The following KAZN variants were observed in gnomAD, a reference collection of about 807,000 sequenced individuals.
KAZN encodes the protein kazrin.
KAZN carries 40 observed loss-of-function variants against 87.4 expected under a neutral mutation model. The observed-to-expected ratio is 0.46, with a 90% CI of 0.36 to 0.60. The LOEUF is 0.60. Among genes scored for constraint, KAZN ranks in the 20% least tolerant of loss-of-function variants. The probability of loss-of-function intolerance (pLI) is 0.00; values close to 1 mark genes in which losing one functional copy is unlikely to be tolerated. For synonymous variants in KAZN, 466 were observed against 458.3 expected, an observed-to-expected ratio of 1.02 and a Z score of -0.22; for missense variants, 898 against 1,073.9, an observed-to-expected ratio of 0.84 and a Z score of 2.29.
intron 2 of KAZN, among the ~76,000 whole-genome samples, chr1:14,429,641 A>G (rs779377365): frequency 5.9e-5 from 9 of 152,134 alleles, no homozygotes; most frequent in South Asian, 2.1e-4. Context: ...CAGTGCAACC[A>G]TGGAAACAAA....
chr1:14,777,996 G>A (rs930447013), intron 1 of KAZN, among the ~76,000 whole-genome samples: 1 of 152,082 alleles, frequency 6.6e-6, no homozygotes, highest in Non-Finnish European at 1.5e-5. Flanking sequence ...GGTTTTGGTG[G>A]GTTTTGGCCA....
intron 1 of KAZN, among the ~76,000 whole-genome samples, chr1:14,156,600 C>G (rs764856113): frequency 6.6e-6 from 1 of 152,108 alleles, no homozygotes; most frequent in Non-Finnish European, 1.5e-5. Flanking sequence ...CATTCTTTGT[C>G]TCTTCTTATA....
chr1:14,931,419 A>G (rs1191271029), intron 1 of KAZN, among the ~76,000 whole-genome samples: 1 of 152,100 alleles, frequency 6.6e-6, no homozygotes, highest in Non-Finnish European at 1.5e-5. Flanking sequence ...ACTGCACTCC[A>G]TCCTGGGCAA....
rs1664438760 is a variant in KAZN, at chr1:14,413,113, CTT to C, written c.250-185869_250-185868del. 2.7e-5 allele frequency among the ~76,000 whole-genome samples: 4 copies of C among 150,084 alleles called. No individual in the cohort carries two copies. In the South Asian group the frequency reaches 8.4e-4, roughly 31 times the overall value. On this transcript the variant is annotated intron_variant, in intron 2 of 16. Transcript: ENST00000636203. Reference sequence around the variant, plus strand: ...ATATAATATATTACATATATATGAACTTAATCTATGATAGTAGATTAGATACC... The same window carrying C: ...ATATAATATATTACATATATATGAACAATCTATGATAGTAGATTAGATACC...
chr1:14,500,497 G>A (rs1014967197), intron 2 of KAZN, among the ~76,000 whole-genome samples: 1 of 151,826 alleles, frequency 6.6e-6, no homozygotes, highest in African/African-American at 2.4e-5. Flanking sequence ...TTTAAAAGAA[G>A]CAAGATCTCA....
At chr1:14,663,763 CCT>C (rs1639337176) in intron 1 of KAZN, among the ~76,000 whole-genome samples, 1 of 152,178 alleles carries the variant, frequency 6.6e-6, no homozygotes. Context: ...GATGATGATT[CCT>C]CAAACATTTT....
intron 2 of KAZN, among the ~76,000 whole-genome samples, chr1:14,388,430 G>A (rs1399928302): frequency 6.6e-6 from 1 of 152,078 alleles, no homozygotes; most frequent in Non-Finnish European, 1.5e-5. Flanking sequence ...AAAACTGGAG[G>A]AATCACATTA....
At chr1:14,157,104 C>G (rs1436067732) in intron 1 of KAZN, among the ~76,000 whole-genome samples, 1 of 152,054 alleles carries the variant, frequency 6.6e-6, no homozygotes, top group East Asian at 1.9e-4. Context: ...AACAAACAAG[C>G]AAAAATACAG....
chr1:14,206,371 G>A (rs929651979), intron 2 of KAZN, among the ~76,000 whole-genome samples: 3 of 152,080 alleles, frequency 2.0e-5, no homozygotes, highest in Admixed American at 1.3e-4. Flanking sequence ...AATTAGAAAA[G>A]TTATTCTTCC....
rs78854074 is a variant in KAZN, at chr1:13,917,277, A to G, written c.91+23521A>G. Among the ~76,000 whole-genome samples the G allele has an allele frequency of 3.1e-3, 476 of 152,300 alleles. 4 individuals carry two copies. Among genetic ancestry groups the G allele is most frequent in the South Asian group, 0.022 (105 of 4,824 alleles). ...CCAGAATATCAAGCTAAGGTCGTTGATGAAGGTGGCTACCCTACACAATAG... is the reference window on the plus strand; with the variant it reads ...CCAGAATATCAAGCTAAGGTCGTTGGTGAAGGTGGCTACCCTACACAATAG... On this transcript the variant is annotated intron_variant, in intron 1 of 16. Transcript: ENST00000636203.
chr1:14,049,220 A>G (rs1163797640), intron 1 of KAZN, among the ~76,000 whole-genome samples: 2 of 152,148 alleles, frequency 1.3e-5, no homozygotes, highest in Non-Finnish European at 2.9e-5. Context: ...CAAGGACAAA[A>G]AAACCAAACA....
In KAZN at chr1:14,599,692, C is replaced by G. The variant is rs376989909; in HGVS notation, c.226+469C>G. Among the ~76,000 whole-genome samples, 2 of 152,222 alleles carry G rather than the reference C, an allele frequency of 1.3e-5. No homozygotes were observed. Among genetic ancestry groups the G allele is most frequent in the African/African-American group, 4.8e-5 (2 of 41,462 alleles). On this transcript the variant is annotated intron_variant, in intron 1 of 14. Coordinates refer to ENST00000376030, the MANE Select transcript of KAZN (RefSeq NM_201628.3). The surrounding 1 kb of genome is among the most constrained non-coding windows in gnomAD (Gnocchi z 4.4). ...GATTGCACTGCTGTGCACTTTTCTC[C>G]GCGGATGCCAAATCCCTTGGCTCAG... is the stretch of plus-strand genomic sequence containing the variant.
At chr1:14,135,973 C>T (rs537175666) in intron 1 of KAZN, among the ~76,000 whole-genome samples, 1 of 152,312 alleles carries the variant, frequency 6.6e-6, no homozygotes, top group East Asian at 1.9e-4. Context: ...CCACTTTACA[C>T]TTGGTTCATG....
rs1264386396 is a variant in KAZN, at chr1:14,209,859, T to TG, written c.249+29268dup. ...CTGGACATCAGCATACAGCCAGGCCTGTTATTGGTACCCACTGAGAGTTGC... is the reference window on the plus strand; with the variant it reads ...CTGGACATCAGCATACAGCCAGGCCTGGTTATTGGTACCCACTGAGAGTTGC... On this transcript the variant is annotated intron_variant, in intron 2 of 16. Transcript: ENST00000636203. Among the ~76,000 whole-genome samples the TG allele has an allele frequency of 3.3e-5, 5 of 152,300 alleles. No individual in the cohort carries two copies. In the East Asian group the frequency reaches 9.7e-4, roughly 29 times the overall value.
At chr1:14,827,501 T>C (rs569002591) in intron 1 of KAZN, among the ~76,000 whole-genome samples, 1 of 152,250 alleles carries the variant, frequency 6.6e-6, no homozygotes, top group Non-Finnish European at 1.5e-5. Flanking sequence ...AGTGAGAACA[T>C]GCGACGTTTG....
At chr1:14,677,438 A>G (rs1450198554) in intron 1 of KAZN, among the ~76,000 whole-genome samples, 2 of 152,174 alleles carry the variant, frequency 1.3e-5, no homozygotes, top group African/African-American at 4.8e-5. Flanking sequence ...GTAGAAATTG[A>G]CTGGCTCATG....
Position 14,184,213 on chromosome 1 carries a change from TTTTC to T in KAZN, c.249+3625_249+3628del, listed in dbSNP as rs1364865488. ...GTCTCCTCTTCCCTTTTCTTTTTGCTTTTCTTTGTCTTCTCCCTCTGCCCTTTTT... is the reference window on the plus strand; with the variant it reads ...GTCTCCTCTTCCCTTTTCTTTTTGCTTTTGTCTTCTCCCTCTGCCCTTTTT... On this transcript the variant is annotated intron_variant, in intron 2 of 16. Transcript: ENST00000636203. The surrounding 1 kb of genome is among the most constrained non-coding windows in gnomAD (Gnocchi z 4.2). Among the ~76,000 whole-genome samples the T allele has an allele frequency of 6.6e-6, 1 of 152,084 alleles. No homozygotes were observed. Among genetic ancestry groups the T allele is most frequent in the African/African-American group, 2.4e-5 (1 of 41,418 alleles).
Position 14,892,071 on chromosome 1 carries a change from C to A in KAZN, c.227-68613C>A, listed in dbSNP as rs117824815. 2.2e-3 allele frequency among the ~76,000 whole-genome samples: 341 copies of A among 152,218 alleles called. 7 individuals are homozygous for A. The East Asian group carries it at 0.046, about 20-fold the overall frequency. ...CCTCTGGCCTCTGGTGTGGTGCAGA[C>A]CCCTGAAGTAAATGCCTCCTCAAGG... On this transcript the variant is annotated intron_variant, in intron 1 of 14. Coordinates refer to ENST00000376030, the MANE Select transcript of KAZN (RefSeq NM_201628.3).
chr1:13,989,942 T>C (rs1236479507), intron 1 of KAZN, among the ~76,000 whole-genome samples: 3 of 152,138 alleles, frequency 2.0e-5, no homozygotes, highest in Non-Finnish European at 4.4e-5. Flanking sequence ...TCAAGCCAGA[T>C]CAAAAAGCTG....
Sources: allele counts gnomAD v4.1 joint callset (sites outside exome capture counted in the v4.1 genomes callset), GRCh38; gene constraint gnomAD v4.1.1; non-coding constraint Gnocchi (gnomAD v3.1); transcripts MANE v1.5; gene names NCBI Gene and HGNC (gene_info 2026-07-23, HGNC 2026-07-21).